The following SEMA3E variants were observed in gnomAD, a reference collection of about 807,000 sequenced individuals.
SEMA3E encodes semaphorin-3E.
In SEMA3E, 49 loss-of-function variants were observed where a neutral mutation model predicts 93.6. The observed-to-expected ratio is 0.52, with a 90% CI of 0.42 to 0.66. SEMA3E has a LOEUF of 0.66. Ranked by LOEUF, SEMA3E falls within the 30% of genes least tolerant of loss-of-function variation. The pLI, the probability that SEMA3E is intolerant of heterozygous loss-of-function variation, is 0.00. For missense variants in SEMA3E, 906 were observed against 964.8 expected, an observed-to-expected ratio of 0.94 and a Z score of 0.81; for synonymous variants, 363 against 330.7, an observed-to-expected ratio of 1.10 and a Z score of -1.06.
Position 83,619,941 on chromosome 7 carries a change from A to AGATAGATAGATG in SEMA3E, c.115+28486_115+28487insCATCTATCTATC, listed in dbSNP as rs1191709674. Reference sequence around the variant, plus strand: ...TAGATAGACAGATAGATAGATAGATAGATGCAAAACCATGTTTGCTCTTTT... The same window carrying AGATAGATAGATG: ...TAGATAGACAGATAGATAGATAGATAGATAGATAGATGGATGCAAAACCATGTTTGCTCTTTT... On this transcript the variant is annotated intron_variant, in intron 1 of 16. Coordinates refer to ENST00000643230, the MANE Select transcript of SEMA3E (RefSeq NM_012431.3). Among the ~76,000 whole-genome samples, 20 of 152,016 alleles carry AGATAGATAGATG rather than the reference A, an allele frequency of 1.3e-4. No homozygotes were observed. In the South Asian group the frequency reaches 3.7e-3, roughly 28 times the overall value.
intron 1 of SEMA3E, among the ~76,000 whole-genome samples, chr7:83,619,540 T>C (rs1188545271): frequency 2.0e-5 from 3 of 151,768 alleles, no homozygotes; most frequent in Non-Finnish European, 2.9e-5. Context: ...TTGTTTTCAG[T>C]AGAAAAAGAG....
chr7:83,377,264 T>C (rs1339326169), intron 16 of SEMA3E, among the ~76,000 whole-genome samples: 1 of 152,046 alleles, frequency 6.6e-6, no homozygotes, highest in Admixed American at 6.6e-5. Flanking sequence ...ACAAAAAGAC[T>C]TTTTCCCCCC....
intron 1 of SEMA3E, among the ~76,000 whole-genome samples, chr7:83,646,003 C>G (rs1476672599): frequency 2.0e-5 from 3 of 151,898 alleles, no homozygotes; most frequent in African/African-American, 7.2e-5. Context: ...AAATGCCTGC[C>G]TTTCTCCCAT....
chr7:83,580,320 G>A (rs1190745332), intron 1 of SEMA3E, among the ~76,000 whole-genome samples: 1 of 151,796 alleles, frequency 6.6e-6, no homozygotes, highest in African/African-American at 2.4e-5. Flanking sequence ...AAGTAATATA[G>A]TCAAAACTGA....
chr7:83,540,177 C>A (rs1791492148), intron 1 of SEMA3E, among the ~76,000 whole-genome samples: 1 of 152,174 alleles, frequency 6.6e-6, no homozygotes, highest in South Asian at 2.1e-4. Context: ...GCCACTGCTC[C>A]TGGCCTAATT....
In SEMA3E at chr7:83,367,576, T is replaced by C. The variant is rs2116891534; in HGVS notation, c.*10A>G. ...AAATTCTTCAAAAGACAGTAGATAGTCTCACCCCATCAGGAGTCCAGCGTG... is the reference window on the plus strand; with the variant it reads ...AAATTCTTCAAAAGACAGTAGATAGCCTCACCCCATCAGGAGTCCAGCGTG... On this transcript the variant is annotated 3_prime_UTR_variant, in exon 17 of 17. Transcript: ENST00000643230. 1 of 1,613,508 alleles carries C rather than the reference T, an allele frequency of 6.2e-7. No homozygotes were observed. Among genetic ancestry groups the C allele is most frequent in the Non-Finnish European group, 8.5e-7 (1 of 1,179,470 alleles).
intron 1 of SEMA3E, among the ~76,000 whole-genome samples, chr7:83,620,314 T>C (rs765989089): frequency 6.6e-6 from 1 of 151,854 alleles, no homozygotes; most frequent in Non-Finnish European, 1.5e-5. Context: ...ATATTGAGAA[T>C]AAAAATCTGA....
chr7:83,641,299 G>T, intron 1 of SEMA3E: 1 of 727,058 alleles, frequency 1.4e-6, no homozygotes, highest in Non-Finnish European at 1.7e-6. Flanking sequence ...CCTACTAAGT[G>T]TCAGGAACTG....
intron 11 of SEMA3E, among the ~76,000 whole-genome samples, chr7:83,397,481 A>G (rs935202626): frequency 2.0e-5 from 3 of 152,124 alleles, no homozygotes; most frequent in African/African-American, 7.2e-5. Context: ...TATATAAAAC[A>G]TACACATACA....
intron 1 of SEMA3E, among the ~76,000 whole-genome samples, chr7:83,533,553 C>T (rs564424743): frequency 0.013 from 1,808 of 138,696 alleles, 34 homozygotes; most frequent in African/African-American, 0.044. Flanking sequence ...CAATAAAATA[C>T]GATAAAATAA....
intron 1 of SEMA3E, among the ~76,000 whole-genome samples, chr7:83,590,772 A>G (rs1792742161): frequency 6.6e-6 from 1 of 152,122 alleles, no homozygotes; most frequent in Non-Finnish European, 1.5e-5. Flanking sequence ...GTTAACATAC[A>G]GAGAATCAGA....
chr7:83,492,755 C>A (rs1790411831), intron 1 of SEMA3E, among the ~76,000 whole-genome samples: 1 of 151,828 alleles, frequency 6.6e-6, no homozygotes, highest in South Asian at 2.1e-4. Flanking sequence ...TATACTTTTA[C>A]AAAACAGCAA....
In SEMA3E at chr7:83,402,192, G is replaced by A. The variant is rs187343921; in HGVS notation, c.1143+440C>T. On this transcript the variant is annotated intron_variant, in intron 10 of 16. Coordinates refer to ENST00000643230, the MANE Select transcript of SEMA3E (RefSeq NM_012431.3). The stretch of plus-strand genomic sequence containing the variant: ...CAATGAGAAGTAAGGAGACAGTTTG[G>A]CCTAGGGAAATTAGAGGCTAATTTA... 1.9e-3 allele frequency among the ~76,000 whole-genome samples: 296 copies of A among 152,038 alleles called. 1 individual carries two copies. Among genetic ancestry groups the A allele is most frequent in the African/African-American group, 6.6e-3 (272 of 41,522 alleles).
At chr7:83,553,811 A>T (rs1423628099) in intron 1 of SEMA3E, among the ~76,000 whole-genome samples, 1 of 152,106 alleles carries the variant, frequency 6.6e-6, no homozygotes. Context: ...ATCTTCAGTG[A>T]CTCATTGAAG....
intron 1 of SEMA3E, chr7:83,616,522 C>T (rs1793370044): frequency 9.0e-6 from 2 of 221,122 alleles, no homozygotes; most frequent in South Asian, 9.7e-5. Flanking sequence ...CAAACTGGCT[C>T]CAGTCTACTT....
At chr7:83,542,189 A>T (rs1584319925) in intron 1 of SEMA3E, among the ~76,000 whole-genome samples, 3 of 86,482 alleles carry the variant, frequency 3.5e-5, no homozygotes, top group Admixed American at 1.3e-4. Flanking sequence ...TAAAAAAGTT[A>T]AAAAAAAAAA....
chr7:83,648,398 T>TA (rs754667075), intron 1 of SEMA3E, 30 bp downstream of exon 1: 7 of 1,354,296 alleles, frequency 5.2e-6, no homozygotes, highest in South Asian at 1.3e-5. Context: ...TTTTTTTTTT[T>TA]AAACAAAAGG....
intron 1 of SEMA3E, among the ~76,000 whole-genome samples, chr7:83,556,363 G>T (rs187394945): frequency 2.3e-4 from 35 of 152,176 alleles, no homozygotes; most frequent in African/African-American, 8.4e-4. Flanking sequence ...GCTAGTATTA[G>T]TCATTCATTC....
At chr7:83,605,285 C>A (rs186202999) in intron 1 of SEMA3E, among the ~76,000 whole-genome samples, 2 of 152,054 alleles carry the variant, frequency 1.3e-5, no homozygotes, top group African/African-American at 4.8e-5. Flanking sequence ...ACAGACTTGC[C>A]GGTATCTATT....
Sources: gnomAD v4.1 joint callset for allele counts (sites outside exome capture counted in the v4.1 genomes callset) on GRCh38, gnomAD v4.1.1 for gene constraint, MANE v1.5 for transcripts, NCBI Gene and HGNC (gene_info 2026-07-23, HGNC 2026-07-21) for gene names.